Variants in SHISA6 observed in about 807,000 individuals in gnomAD.
SHISA6 encodes shisa family member 6, also known as protein shisa-6.
A neutral mutation model predicts 47.9 loss-of-function variants in SHISA6; 22 were observed. The observed-to-expected ratio is 0.46, with a 90% CI of 0.33 to 0.66. The LOEUF (loss-of-function observed/expected upper bound fraction) is 0.66. SHISA6 is among the 30% of genes least tolerant of loss of function. SHISA6 has a pLI of 0.02. For missense variants in SHISA6, 680 were observed against 764.6 expected (o/e 0.89, Z 1.30); for synonymous variants, 388 against 337.8 (o/e 1.15, Z -1.63).
chr17:11,448,266 C>T lies in SHISA6; in HGVS notation c.895+68757C>T, dbSNP rs543642479. On this transcript the variant is annotated intron_variant, in intron 3 of 5. Coordinates refer to ENST00000441885, the MANE Select transcript of SHISA6 (RefSeq NM_207386.4). ...GATAAAGAGGCTGGGTGTGGTGGCT[C>T]AAGTCTGTAATCCCAGAACTTTTCG... Among the ~76,000 whole-genome samples, 5 of 152,178 alleles carry T rather than the reference C, an allele frequency of 3.3e-5. No homozygotes were observed. In the East Asian group the frequency reaches 9.7e-4, roughly 29 times the overall value.
rs71142206 is a variant in SHISA6, at chr17:11,358,667, C to CT, written c.800-20734dup. 1.2e-3 allele frequency among the ~76,000 whole-genome samples: 172 copies of CT among 141,248 alleles called. 2 individuals carry two copies. The highest frequency in any genetic ancestry group is 1.9e-3 in the Admixed American group (27 of 14,148). 92.7% of individuals were successfully genotyped at this position (141,248 alleles called of 152,430 possible). On this transcript the variant is annotated intron_variant, in intron 2 of 5. Transcript: ENST00000441885. ...AGCCACCGCACCTGGCCAGAATTTC[C>CT]TTTTTTTTTTTTTAAAGAATACGTC...
intron 3 of SHISA6, among the ~76,000 whole-genome samples, chr17:11,473,796 T>G (rs1597536944): frequency 6.6e-6 from 1 of 152,220 alleles, no homozygotes; most frequent in South Asian, 2.1e-4. Context: ...ATTGTGCAGG[T>G]TTGTTACATA....
intron 2 of SHISA6, among the ~76,000 whole-genome samples, chr17:11,335,358 C>T (rs1270673107): frequency 3.9e-5 from 6 of 152,142 alleles, no homozygotes; most frequent in Non-Finnish European, 8.8e-5. Flanking sequence ...TGAGTCAATG[C>T]GTGAACATGC....
At chr17:11,307,128 T>A (rs1027165343) in intron 2 of SHISA6, among the ~76,000 whole-genome samples, 8 of 136,982 alleles carry the variant, frequency 5.8e-5, no homozygotes, top group African/African-American at 1.6e-4. Flanking sequence ...TTATTTATTT[T>A]TGTTTGTTTG....
At chr17:11,287,658 G>A (rs570293005) in intron 2 of SHISA6, among the ~76,000 whole-genome samples, 1 of 148,692 alleles carries the variant, frequency 6.7e-6, no homozygotes, top group Non-Finnish European at 1.5e-5. Context: ...AGGTGACAGA[G>A]ACAGACCTTG....
At chr17:11,319,024 G>A (rs1246254921) in intron 2 of SHISA6, among the ~76,000 whole-genome samples, 5 of 147,734 alleles carry the variant, frequency 3.4e-5, no homozygotes, top group Non-Finnish European at 3.0e-5. Context: ...CTCTTCATTG[G>A]TTTTTGTTTT....
At chr17:11,270,566 T>C (rs1166264243) in intron 2 of SHISA6, among the ~76,000 whole-genome samples, 1 of 152,186 alleles carries the variant, frequency 6.6e-6, no homozygotes, top group East Asian at 1.9e-4. Flanking sequence ...TATTTTAGGC[T>C]CTGCAGGCCA....
intron 2 of SHISA6, among the ~76,000 whole-genome samples, chr17:11,360,854 A>C (rs942277447): frequency 6.6e-6 from 1 of 150,992 alleles, no homozygotes; most frequent in Non-Finnish European, 1.5e-5. Context: ...ATTAATGTGG[A>C]GCTTCCAAAA....
Position 11,332,968 on chromosome 17 carries a change from A to C in SHISA6, c.800-46446A>C, listed in dbSNP as rs1911179906. On this transcript the variant is annotated intron_variant, in intron 2 of 5. Transcript: ENST00000441885. ...GGCATCTAGAGAAGTCTGTGTCCAGATGAGATGGTGATCCAGGAGCCTGCA... is the reference window on the plus strand; with the variant it reads ...GGCATCTAGAGAAGTCTGTGTCCAGCTGAGATGGTGATCCAGGAGCCTGCA... 3.9e-5 allele frequency among the ~76,000 whole-genome samples: 6 copies of C among 152,124 alleles called. No homozygotes were observed. The South Asian group carries it at 1.2e-3, about 32-fold the overall frequency.
In SHISA6 at chr17:11,392,301, T is replaced by C. The variant is rs1229748953; in HGVS notation, c.895+12792T>C. 3.3e-5 allele frequency among the ~76,000 whole-genome samples: 5 copies of C among 152,118 alleles called. 1 individual carries two copies. Among genetic ancestry groups the C allele is most frequent in the Non-Finnish European group, 5.9e-5 (4 of 67,996 alleles). On this transcript the variant is annotated intron_variant, in intron 3 of 5. Coordinates refer to ENST00000441885, the MANE Select transcript of SHISA6 (RefSeq NM_207386.4). ...ATAGATAGGGCCATGGCATAGTCAT[T>C]AGCTGCTGTGCCAAAACTCATGTTG...
chr17:11,432,887 C>T (rs990887060), intron 3 of SHISA6, among the ~76,000 whole-genome samples: 1 of 151,936 alleles, frequency 6.6e-6, no homozygotes, highest in Non-Finnish European at 1.5e-5. Context: ...TATTGGTTGC[C>T]TGGGGCTGGA....
intron 3 of SHISA6, among the ~76,000 whole-genome samples, chr17:11,445,380 T>C (rs1041915216): frequency 6.6e-6 from 1 of 152,150 alleles, no homozygotes; most frequent in African/African-American, 2.4e-5. Flanking sequence ...TTAGTACTTC[T>C]GAAAGAAGAG....
intron 2 of SHISA6, among the ~76,000 whole-genome samples, chr17:11,305,569 G>A (rs1910082903): frequency 6.6e-6 from 1 of 152,236 alleles, no homozygotes; most frequent in Non-Finnish European, 1.5e-5. Flanking sequence ...CAACTGCTGT[G>A]ACAGAGATTC....
chr17:11,527,953 A>T (rs537501216), intron 3 of SHISA6, among the ~76,000 whole-genome samples: 1 of 152,192 alleles, frequency 6.6e-6, no homozygotes, highest in Non-Finnish European at 1.5e-5. Flanking sequence ...CAATTGCCAT[A>T]TCTATCAACC....
rs374366906 is a variant in SHISA6 at position 11,519,452 on chromosome 17, G to A, written c.896-32444G>A. Among the ~76,000 whole-genome samples, 22 of 152,284 alleles carry A rather than the reference G, an allele frequency of 1.4e-4. No individual in the cohort carries two copies. In the Middle Eastern group the frequency reaches 0.017, roughly 118 times the overall value. The stretch of plus-strand genomic sequence containing the variant: ...TCTAGAGTAAGCAACTTCGTGGAGA[G>A]AGAAAATAAAACAGAGGTTACCAAG... On this transcript the variant is annotated intron_variant, in intron 3 of 5. Coordinates refer to ENST00000441885, the MANE Select transcript of SHISA6 (RefSeq NM_207386.4).
intron 3 of SHISA6, among the ~76,000 whole-genome samples, chr17:11,449,768 C>G (rs1034324532): frequency 2.6e-5 from 4 of 152,236 alleles, no homozygotes; most frequent in Non-Finnish European, 4.4e-5. Flanking sequence ...GAAAATCTGC[C>G]TAGCGTCTTT....
rs191678014 is a variant in SHISA6 at position 11,508,704 on chromosome 17, A to G, written c.896-43192A>G. Among the ~76,000 whole-genome samples, 5 of 138,458 alleles carry G rather than the reference A, an allele frequency of 3.6e-5. 1 individual carries two copies. In the East Asian group the frequency reaches 1.2e-3, roughly 33 times the overall value. 90.8% of individuals were successfully genotyped at this position (138,458 alleles called of 152,430 possible). A position where few individuals can be genotyped will look rare whatever the true frequency, so the allele number is the denominator to read the frequency against. ...TCCTTCTCTGCCTTCTTCCTTGGCT[A>G]TACAATTTTGTGGCTTCCTTTTATT... On this transcript the variant is annotated intron_variant, in intron 3 of 5. Coordinates refer to ENST00000441885, the MANE Select transcript of SHISA6 (RefSeq NM_207386.4).
intron 3 of SHISA6, among the ~76,000 whole-genome samples, chr17:11,509,849 G>T (rs1597559519): frequency 6.6e-6 from 1 of 152,166 alleles, no homozygotes; most frequent in Non-Finnish European, 1.5e-5. Context: ...AGTGTGCTTT[G>T]TGCACCCTGC....
chr17:11,431,526 T>C (rs961288605), intron 3 of SHISA6, among the ~76,000 whole-genome samples: 11 of 152,246 alleles, frequency 7.2e-5, no homozygotes, highest in African/African-American at 2.7e-4. Context: ...GGAAATGATA[T>C]TGTGGACACT....
Sources: gnomAD v4.1 joint callset for allele counts (sites outside exome capture counted in the v4.1 genomes callset) on GRCh38, gnomAD v4.1.1 for gene constraint, MANE v1.5 for transcripts, NCBI Gene and HGNC (gene_info 2026-07-23, HGNC 2026-07-21) for gene names.